Variants in DGKB observed in about 807,000 individuals in gnomAD.
DGKB encodes diacylglycerol kinase beta, also known as 90 kDa diacylglycerol kinase.
Under a neutral mutation model 114.3 loss-of-function variants are expected in DGKB, and 67 were observed. The observed-to-expected ratio is 0.59, with a 90% CI of 0.48 to 0.72. The LOEUF (loss-of-function observed/expected upper bound fraction) is 0.72, where lower values mean the gene tolerates loss of function less well. DGKB is among the 30% of genes least tolerant of loss of function. The pLI is 0.00. For missense variants in DGKB, 907 were observed against 975.2 expected (o/e 0.93, Z 0.93); for synonymous variants, 398 against 323.1 (o/e 1.23, Z -2.49).
chr7:14,381,596 T>G (rs1012472260), intron 21 of DGKB, among the ~76,000 whole-genome samples: 1 of 152,170 alleles, frequency 6.6e-6, no homozygotes. Context: ...AATAGTTGTC[T>G]TCCCCAGTTT....
intron 2 of DGKB, among the ~76,000 whole-genome samples, chr7:14,767,764 G>A (rs1228591099): frequency 2.0e-5 from 3 of 151,824 alleles, no homozygotes; most frequent in Non-Finnish European, 4.4e-5. Flanking sequence ...AATGTTTAAG[G>A]AAATGCAAGT....
chr7:14,151,737 G>C (rs191646078), intron 25 of DGKB, among the ~76,000 whole-genome samples: 1 of 151,940 alleles, frequency 6.6e-6, no homozygotes, highest in African/African-American at 2.4e-5. Context: ...CATCCTTTTT[G>C]TCTGTTGTTT....
At chr7:14,880,019 CTTAT>C (rs1488922785) in intron 1 of DGKB, among the ~76,000 whole-genome samples, 1 of 152,010 alleles carries the variant, frequency 6.6e-6, no homozygotes, top group Non-Finnish European at 1.5e-5. Context: ...CCTAAGAATC[CTTAT>C]GAGAATTCAT....
At chr7:14,313,960 G>A (rs1805949504) in intron 23 of DGKB, among the ~76,000 whole-genome samples, 1 of 152,206 alleles carries the variant, frequency 6.6e-6, no homozygotes, top group Non-Finnish European at 1.5e-5. Flanking sequence ...GCCTCCTCAA[G>A]TGGGTCCCTC....
intron 20 of DGKB, among the ~76,000 whole-genome samples, chr7:14,546,465 A>G (rs1794299650): frequency 6.6e-6 from 1 of 152,178 alleles, no homozygotes. Context: ...GGCTGGCTTC[A>G]TGGGCATGGA....
intron 20 of DGKB, among the ~76,000 whole-genome samples, chr7:14,529,397 T>C (rs1055109077): frequency 1.3e-5 from 2 of 151,920 alleles, no homozygotes; most frequent in African/African-American, 4.8e-5. Context: ...ATCTTTAAAG[T>C]CTATTTAAAT....
intron 21 of DGKB, among the ~76,000 whole-genome samples, chr7:14,469,631 G>T (rs1346343671): frequency 6.6e-6 from 1 of 151,912 alleles, no homozygotes; most frequent in Admixed American, 6.6e-5. Flanking sequence ...GAAGCTTCAG[G>T]TGAATTGAAA....
At chr7:14,203,973 C>T (rs1200664515) in intron 23 of DGKB, among the ~76,000 whole-genome samples, 1 of 151,916 alleles carries the variant, frequency 6.6e-6, no homozygotes, top group Non-Finnish European at 1.5e-5. Context: ...CCTATTCTCT[C>T]CTCCCCCAGC....
intron 23 of DGKB, among the ~76,000 whole-genome samples, chr7:14,255,430 G>C (rs1172922987): frequency 6.6e-6 from 1 of 152,058 alleles, no homozygotes; most frequent in African/African-American, 2.4e-5. Context: ...CACTCTACTT[G>C]CAGCATCTCC....
At chr7:14,620,239 G>T (rs1807359377) in intron 15 of DGKB, among the ~76,000 whole-genome samples, 1 of 150,590 alleles carries the variant, frequency 6.6e-6, no homozygotes, top group African/African-American at 2.4e-5. Context: ...TTATTATTCA[G>T]AATTCCCTCC....
chr7:14,322,116 A>T (rs968320043), intron 23 of DGKB, among the ~76,000 whole-genome samples: 1 of 152,220 alleles, frequency 6.6e-6, no homozygotes, highest in Non-Finnish European at 1.5e-5. Flanking sequence ...GGTGTCAGCA[A>T]ACTGTGGCTT....
At chr7:14,184,750 C>G (rs558931136) in intron 23 of DGKB, among the ~76,000 whole-genome samples, 1 of 152,222 alleles carries the variant, frequency 6.6e-6, no homozygotes, top group South Asian at 2.1e-4. Context: ...GGGCCTCGCC[C>G]ACTGCCAGTT....
At chr7:14,332,667 A>G (rs546692949) in intron 23 of DGKB, among the ~76,000 whole-genome samples, 2 of 152,320 alleles carry the variant, frequency 1.3e-5, no homozygotes, top group Admixed American at 6.5e-5. Flanking sequence ...CAAAGAGAAG[A>G]CAACTGTAAT....
intron 4 of DGKB, among the ~76,000 whole-genome samples, chr7:14,753,324 GC>G (rs1318003359): frequency 1.3e-5 from 2 of 152,164 alleles, no homozygotes; most frequent in Non-Finnish European, 2.9e-5. Flanking sequence ...TCCATTTAGA[GC>G]ACCTGAAAAT....
intron 21 of DGKB, among the ~76,000 whole-genome samples, chr7:14,432,655 A>C (rs1458573195): frequency 6.6e-6 from 1 of 152,278 alleles, no homozygotes; most frequent in South Asian, 2.1e-4. Context: ...TTGATCTCTA[A>C]GAGTGGATCC....
chr7:14,753,810 T>C, intron 4 of DGKB, 118 bp downstream of exon 4: 1 of 746,990 alleles, frequency 1.3e-6, no homozygotes, highest in Non-Finnish European at 2.3e-6. Context: ...CAACCTTGTA[T>C]ACTATAGAAA....
At chr7:14,216,780 C>CGTGTAT (rs1384575897) in intron 23 of DGKB, among the ~76,000 whole-genome samples, 2 of 144,882 alleles carry the variant, frequency 1.4e-5, no homozygotes, top group Non-Finnish European at 3.0e-5. Flanking sequence ...CTTTTGTCAA[C>CGTGTAT]GTGTATGTGT....
In DGKB at chr7:14,745,494, G is replaced by A. The variant is rs1245400718; in HGVS notation, c.168+8434C>T. Reference sequence around the variant, plus strand: ...CACAGAGAACCTCTGACCCACTCAGGTTATTGAGCACAGGGGGGCTTGCCT... The same window carrying A: ...CACAGAGAACCTCTGACCCACTCAGATTATTGAGCACAGGGGGGCTTGCCT... On this transcript the variant is annotated intron_variant, in intron 4 of 25. Coordinates refer to ENST00000402815, the MANE Select transcript of DGKB (RefSeq NM_001350709.2). 3.3e-5 allele frequency among the ~76,000 whole-genome samples: 5 copies of A among 152,216 alleles called. 1 individual carries two copies. The South Asian group carries it at 8.3e-4, about 25-fold the overall frequency.
In DGKB at chr7:14,944,273, A is replaced by G. The variant is rs140021142; in HGVS notation, c.-188+30423T>C. Among the ~76,000 whole-genome samples, 284 of 151,990 alleles carry G rather than the reference A, an allele frequency of 1.9e-3. 4 individuals carry two copies. Among genetic ancestry groups the G allele is most frequent in the African/African-American group, 6.6e-3 (275 of 41,524 alleles). ...GTAAACGATAGATCCAGGAATACGA[A>G]TTTATTTTGTATCATTTAACACCAA... is the stretch of plus-strand genomic sequence containing the variant. On this transcript the variant is annotated intron_variant, in intron 1 of 4. Transcript: ENST00000437998.
Sources: allele counts gnomAD v4.1 joint callset (sites outside exome capture counted in the v4.1 genomes callset), GRCh38; gene constraint gnomAD v4.1.1; transcripts MANE v1.5; gene names NCBI Gene and HGNC (gene_info 2026-07-23, HGNC 2026-07-21).